The following SLC35F2 variants were observed in gnomAD, a reference collection of about 807,000 sequenced individuals.
SLC35F2 encodes queuine/queuosine transporter SLC35F2.
Under a neutral mutation model 38.1 loss-of-function variants are expected in SLC35F2, and 25 were observed. That is an observed-to-expected ratio of 0.66 (90% CI 0.48 to 0.92). The LOEUF (loss-of-function observed/expected upper bound fraction) is 0.92, where lower values mean the gene tolerates loss of function less well. Ranked by LOEUF, SLC35F2 falls within the 40% of genes least tolerant of loss-of-function variation. The pLI is 0.00. For synonymous variants in SLC35F2, 173 were observed against 181.7 expected, an observed-to-expected ratio of 0.95 and a Z score of 0.38; for missense variants, 409 against 452.9, an observed-to-expected ratio of 0.90 and a Z score of 0.88.
intron 2 of SLC35F2, among the ~76,000 whole-genome samples, chr11:107,812,012 C>CCA (rs1254516492): frequency 1.3e-5 from 2 of 152,248 alleles, no homozygotes; most frequent in East Asian, 3.9e-4. Flanking sequence ...AGCCATCCTC[C>CCA]CACCTCAGCC....
At chr11:107,819,630 A>G (rs2134802064) in intron 1 of SLC35F2, among the ~76,000 whole-genome samples, 1 of 152,328 alleles carries the variant, frequency 6.6e-6, no homozygotes, top group Admixed American at 6.5e-5. Flanking sequence ...GTGCACCAGG[A>G]GTCTCCAGGA....
chr11:107,812,725 A>G (rs1859501789), intron 2 of SLC35F2, among the ~76,000 whole-genome samples: 1 of 152,206 alleles, frequency 6.6e-6, no homozygotes, highest in African/African-American at 2.4e-5. Context: ...CTATCATAAC[A>G]GAAACAAAAT....
chr11:107,796,188 T>C (rs576490302), intron 7 of SLC35F2, among the ~76,000 whole-genome samples: 1 of 152,202 alleles, frequency 6.6e-6, no homozygotes, highest in South Asian at 2.1e-4. Context: ...TAAATTAGTA[T>C]AGTAGAGCCA....
At chr11:107,817,378 G>A (rs1338066183) in intron 1 of SLC35F2, among the ~76,000 whole-genome samples, 1 of 152,048 alleles carries the variant, frequency 6.6e-6, no homozygotes. Context: ...AGAAGTAAAG[G>A]GAGAACTAGG....
At chr11:107,802,178 C>G (rs1859318478) in intron 7 of SLC35F2, among the ~76,000 whole-genome samples, 1 of 151,556 alleles carries the variant, frequency 6.6e-6, no homozygotes, top group Non-Finnish European at 1.5e-5. Context: ...GCAGAGGTTG[C>G]AGTGAGCCGA....
At chr11:107,845,434 T>C (rs1336390709) in intron 1 of SLC35F2, among the ~76,000 whole-genome samples, 4 of 151,844 alleles carry the variant, frequency 2.6e-5, no homozygotes, top group African/African-American at 7.2e-5. Flanking sequence ...GGCTGGAGGA[T>C]TGCTTGAGCC....
At chr11:107,836,783 T>G (rs3105397) in intron 1 of SLC35F2, among the ~76,000 whole-genome samples, 82,771 of 152,082 alleles carry the variant, frequency 0.54, 23,998 homozygotes, top group African/African-American at 0.77. Context: ...TAAATTGGTG[T>G]TGTTTTAAAC....
chr11:107,793,744 G>A (rs995099867), intron 7 of SLC35F2, among the ~76,000 whole-genome samples: 1 of 152,154 alleles, frequency 6.6e-6, no homozygotes, highest in Non-Finnish European at 1.5e-5. Context: ...GTAAGGTCCG[G>A]TGAGGACAAT....
chr11:107,792,534 T>G lies in SLC35F2; in HGVS notation c.*81A>C. 6.8e-7 allele frequency: 1 copy of G among 1,473,370 alleles called. No individual in the cohort carries two copies. Among genetic ancestry groups the G allele is most frequent in the Non-Finnish European group, 9.1e-7 (1 of 1,101,300 alleles). The allele number at this position is 1,473,370 out of a possible 1,614,324, so 91.3% of individuals were successfully genotyped here. ...GGTTGTAGAGTGTCCATTCTGAGTC[T>G]GCTATTTCCCCAAGTGTCCCCTCAG... On this transcript the variant is annotated 3_prime_UTR_variant, in exon 8 of 8. Transcript: ENST00000525815.
intron 7 of SLC35F2, among the ~76,000 whole-genome samples, chr11:107,794,732 G>C (rs991913839): frequency 1.3e-5 from 2 of 152,032 alleles, no homozygotes; most frequent in Admixed American, 1.3e-4. Context: ...AGAAATAAGA[G>C]GCATCCAAAT....
chr11:107,837,944 G>C (rs1383773836), intron 1 of SLC35F2, among the ~76,000 whole-genome samples: 1 of 135,832 alleles, frequency 7.4e-6, no homozygotes, highest in Non-Finnish European at 1.5e-5. Flanking sequence ...ACAATATCTA[G>C]TAATAGTAAT....
chr11:107,803,348 G>A, intron 6 of SLC35F2, 193 bp from the exon 7 acceptor site: 1 of 985,150 alleles, frequency 1.0e-6, no homozygotes, highest in Non-Finnish European at 1.2e-6. Flanking sequence ...AAGTTGTGAT[G>A]TAGATAAAGG....
chr11:107,798,168 T>A (rs1859250666), intron 7 of SLC35F2, among the ~76,000 whole-genome samples: 1 of 151,970 alleles, frequency 6.6e-6, no homozygotes, highest in Admixed American at 6.6e-5. Flanking sequence ...CATGCCCAGC[T>A]AGTTTTTGTA....
At position 107,853,891 on chromosome 11, in the gene SLC35F2, T is replaced by C. The variant is rs548048236; in HGVS notation, c.110+4767A>G. ...AAAGGTTTTTGCTAGAGATATAAAGTTGATGGTTGTTACAAGGAATACGCG... is the reference window on the plus strand; with the variant it reads ...AAAGGTTTTTGCTAGAGATATAAAGCTGATGGTTGTTACAAGGAATACGCG... On this transcript the variant is annotated intron_variant, in intron 1 of 7. Coordinates refer to ENST00000525815, the MANE Select transcript of SLC35F2 (RefSeq NM_017515.5). Among the ~76,000 whole-genome samples, 49 of 151,784 alleles carry C rather than the reference T, an allele frequency of 3.2e-4. 1 individual carries two copies. In the South Asian group the frequency reaches 6.9e-3, roughly 21 times the overall value.
intron 7 of SLC35F2, among the ~76,000 whole-genome samples, chr11:107,800,903 CTTTTTTTTTT>C (rs71303238): frequency 1.6e-5 from 2 of 126,202 alleles, no homozygotes; most frequent in African/African-American, 3.2e-5. Context: ...GCTATTACTA[CTTTTTTTTTT>C]TTTTTTTTTT....
chr11:107,804,907 G>A (rs1232838251), intron 5 of SLC35F2, 137 bp from the exon 6 acceptor site: 6 of 1,154,450 alleles, frequency 5.2e-6, no homozygotes, highest in South Asian at 3.0e-5. Flanking sequence ...TAAAAATAAC[G>A]ATCTTTAATA....
intron 1 of SLC35F2, among the ~76,000 whole-genome samples, chr11:107,826,496 G>A (rs895362834): frequency 3.9e-5 from 6 of 151,996 alleles, no homozygotes; most frequent in African/African-American, 9.7e-5. Context: ...CATTCTCCTT[G>A]GCCTCCCAAA....
intron 1 of SLC35F2, among the ~76,000 whole-genome samples, chr11:107,834,170 T>A (rs1859894078): frequency 6.6e-6 from 1 of 152,186 alleles, no homozygotes; most frequent in Admixed American, 6.5e-5. Flanking sequence ...CTTAGTGTCT[T>A]GTAAATTAAG....
intron 1 of SLC35F2, among the ~76,000 whole-genome samples, chr11:107,828,146 A>G (rs928503049): frequency 6.6e-6 from 1 of 152,210 alleles, no homozygotes; most frequent in African/African-American, 2.4e-5. Flanking sequence ...ATGAGTTAAT[A>G]GCAATACTGG....
Sources: allele counts gnomAD v4.1 joint callset (sites outside exome capture counted in the v4.1 genomes callset), GRCh38; gene constraint gnomAD v4.1.1; transcripts MANE v1.5; gene names NCBI Gene and HGNC (gene_info 2026-07-23, HGNC 2026-07-21).